Variants in CHD9 observed in about 807,000 individuals in gnomAD.
The protein encoded by CHD9 is ATP-dependent chromatin remodeler CHD9.
In CHD9, 77 loss-of-function variants were observed where a neutral mutation model predicts 316.1. The ratio of observed to expected loss-of-function variants is 0.24; its 90% CI spans 0.20 to 0.29. The LOEUF (loss-of-function observed/expected upper bound fraction) is 0.29, where lower values mean the gene tolerates loss of function less well. CHD9 is among the 10% of genes least tolerant of loss of function. The pLI is 1.00. For synonymous variants in CHD9, 1,129 were observed against 1,158.3 expected (o/e 0.97, Z 0.51); for missense variants, 2,763 against 3,438.1 (o/e 0.80, Z 4.91).
chr16:53,233,429 G>GT (rs1363754131), intron 10 of CHD9, among the ~76,000 whole-genome samples: 2 of 152,176 alleles, frequency 1.3e-5, no homozygotes, highest in African/African-American at 4.8e-5. Flanking sequence ...ATGTGGATGA[G>GT]TTCTTGTTCA....
chr16:53,117,714 C>A (rs943529236), intron 1 of CHD9, among the ~76,000 whole-genome samples: 1 of 152,060 alleles, frequency 6.6e-6, no homozygotes. Context: ...TTGCACCCGG[C>A]CTGACATACT....
At chr16:53,165,985 T>C (rs565115512) in intron 2 of CHD9, among the ~76,000 whole-genome samples, 4 of 152,280 alleles carry the variant, frequency 2.6e-5, no homozygotes, top group African/African-American at 9.6e-5. Context: ...TTTGGCATGG[T>C]ATTACTTATA....
At chr16:53,226,892 G>T (rs1260396449) in intron 5 of CHD9, among the ~76,000 whole-genome samples, 5 of 152,038 alleles carry the variant, frequency 3.3e-5, no homozygotes, top group Non-Finnish European at 7.4e-5. Context: ...CCTTTGTCTG[G>T]ATTTTCTGGC....
At chr16:53,299,740 T>C (rs538249852) in intron 30 of CHD9, 114 of 189,732 alleles carry the variant, frequency 6.0e-4, no homozygotes, top group African/African-American at 2.6e-3. Context: ...CCAGGCTTTC[T>C]CTCTGGTCGT....
At chr16:53,285,380 C>T (rs1046980544) in intron 24 of CHD9, among the ~76,000 whole-genome samples, 1 of 152,076 alleles carries the variant, frequency 6.6e-6, no homozygotes, top group African/African-American at 2.4e-5. Context: ...AAACTTATTT[C>T]TTCTCTTGAG....
At chr16:53,207,141 C>A (rs2045953197) in intron 2 of CHD9, among the ~76,000 whole-genome samples, 1 of 152,070 alleles carries the variant, frequency 6.6e-6, no homozygotes, top group Non-Finnish European at 1.5e-5. Context: ...AGATGACTAA[C>A]CAGGACCAAC....
chr16:53,178,732 G>T (rs1300449421), intron 2 of CHD9, among the ~76,000 whole-genome samples: 1 of 151,912 alleles, frequency 6.6e-6, no homozygotes, highest in African/African-American at 2.4e-5. Flanking sequence ...CAAAGTGCTG[G>T]GATTACAAAC....
intron 20 of CHD9, among the ~76,000 whole-genome samples, chr16:53,265,218 T>C (rs73601672): frequency 0.032 from 4,923 of 151,958 alleles, 99 homozygotes; most frequent in Middle Eastern, 0.071. Context: ...CTAGGCAACA[T>C]AGCAAGACCC....
intron 1 of CHD9, among the ~76,000 whole-genome samples, chr16:53,082,625 T>C (rs531348653): frequency 6.6e-6 from 1 of 152,374 alleles, no homozygotes; most frequent in Admixed American, 6.5e-5. Flanking sequence ...GCCACTGCCC[T>C]GTTGGTCCCT....
intron 1 of CHD9, among the ~76,000 whole-genome samples, chr16:53,153,379 G>A (rs991281408): frequency 2.6e-5 from 4 of 152,190 alleles, no homozygotes; most frequent in African/African-American, 9.7e-5. Flanking sequence ...AAGAATTACT[G>A]GGGCAATGCC....
At chr16:53,095,265 G>T (rs1444926854) in intron 1 of CHD9, among the ~76,000 whole-genome samples, 2 of 152,142 alleles carry the variant, frequency 1.3e-5, no homozygotes, top group Non-Finnish European at 2.9e-5. Flanking sequence ...GAATATCCTG[G>T]CTAGGCGCAG....
chr16:53,271,427 G>A (rs1206651051), intron 22 of CHD9, among the ~76,000 whole-genome samples: 1 of 152,000 alleles, frequency 6.6e-6, no homozygotes, highest in African/African-American at 2.4e-5. Context: ...AAATTAGCCA[G>A]CCATGGTGAC....
At chr16:53,178,777 T>A (rs1368266889) in intron 2 of CHD9, among the ~76,000 whole-genome samples, 1 of 152,184 alleles carries the variant, frequency 6.6e-6, no homozygotes, top group African/African-American at 2.4e-5. Flanking sequence ...TAAATACTTT[T>A]AAGAATTTAT....
chr16:53,292,611 G>A (rs1244633845), intron 28 of CHD9, among the ~76,000 whole-genome samples: 1 of 152,156 alleles, frequency 6.6e-6, no homozygotes, highest in East Asian at 1.9e-4. Flanking sequence ...TGTATTTGCT[G>A]TGCAAATCTT....
At chr16:53,192,833 C>T (rs965517969) in intron 2 of CHD9, among the ~76,000 whole-genome samples, 1 of 152,104 alleles carries the variant, frequency 6.6e-6, no homozygotes, top group African/African-American at 2.4e-5. Context: ...GAGTTATATT[C>T]CATTATATAA....
At chr16:53,227,161 G>T (rs1426496905) in intron 5 of CHD9, 1 of 331,588 alleles carries the variant, frequency 3.0e-6, no homozygotes, top group Non-Finnish European at 5.5e-6. Context: ...TTAGAATAAT[G>T]ACCAGCACAT....
Position 53,324,131 on chromosome 16 carries a change from G to A in CHD9, c.7930G>A (p.Ala2644Thr). The change falls in exon 39 of 39, where the codon GCA becomes ACA. Residue 2644 changes from alanine to threonine, a missense_variant. Ala to Thr is a moderately conservative substitution (Grantham distance 58). Coordinates refer to ENST00000447540, the MANE Select transcript of CHD9 (RefSeq NM_001308319.2). ...AAGTGGAATTGCAAAGGCCACAGCA[G>A]CAGCAGCTGCTGCATCTGCCACCAG... ...PKSGIAKATA[A>T]AAAASATSVS... is the part of the protein sequence containing the mutation. The A allele has an allele frequency of 6.2e-7, 1 of 1,614,006 alleles. No individual in the cohort carries two copies. The highest frequency in any genetic ancestry group is 1.1e-5 in the South Asian group (1 of 91,088).
chr16:53,302,006 A>G (rs962900353), intron 30 of CHD9, among the ~76,000 whole-genome samples: 3 of 149,912 alleles, frequency 2.0e-5, no homozygotes, highest in African/African-American at 4.9e-5. Context: ...CTCATGATCC[A>G]CCCGCCTCGG....
At chr16:53,076,001 C>A (rs992213866) in intron 1 of CHD9, among the ~76,000 whole-genome samples, 2 of 151,978 alleles carry the variant, frequency 1.3e-5, no homozygotes, top group Admixed American at 6.6e-5. Context: ...TTTCCATTTC[C>A]CTAATAATTA....
Sources: gnomAD v4.1 joint callset for allele counts (sites outside exome capture counted in the v4.1 genomes callset) on GRCh38, gnomAD v4.1.1 for gene constraint, MANE v1.5 for transcripts, NCBI Gene and HGNC (gene_info 2026-07-23, HGNC 2026-07-21) for gene names.